EYS: variants seen among roughly 807,000 people sequenced by gnomAD.
EYS encodes EGF-like photoreceptor maintenance factor.
EYS carries 250 observed loss-of-function variants against 282.1 expected under a neutral mutation model. The observed-to-expected ratio is 0.89, with a 90% CI of 0.80 to 0.98. The LOEUF (loss-of-function observed/expected upper bound fraction) is 0.98, where lower values mean the gene tolerates loss of function less well. Ranked by LOEUF, EYS falls within the 50% of genes least tolerant of loss-of-function variation. EYS has a pLI of 0.00. For missense variants in EYS, 4,016 were observed against 3,709.0 expected (o/e 1.08, Z -2.15); for synonymous variants, 1,355 against 1,282.9 (o/e 1.06, Z -1.20).
chr6:65,570,080 G>T lies in EYS; in HGVS notation c.-333+69698C>A, dbSNP rs148405086. 1.0e-3 allele frequency among the ~76,000 whole-genome samples: 153 copies of T among 152,004 alleles called. 3 individuals are homozygous for T. The East Asian group carries it at 0.027, about 27-fold the overall frequency. On this transcript the variant is annotated intron_variant, in intron 2 of 42. Transcript: ENST00000503581. ...ACTCTTATTCCAACCTCAATGCCTG[G>T]CAGGTTTTCAGCTCTAGGTGTGTGG...
intron 35 of EYS, among the ~76,000 whole-genome samples, chr6:63,947,367 AC>A (rs1216371188): frequency 2.0e-5 from 3 of 152,192 alleles, no homozygotes; most frequent in Admixed American, 2.0e-4. Flanking sequence ...ATTAAAAAGT[AC>A]TAAGAAATAA....
rs146083642 is a variant in EYS at position 65,454,703 on chromosome 6, A to G, written c.862+35891T>C. 7.3e-3 allele frequency among the ~76,000 whole-genome samples: 1,113 copies of G among 152,162 alleles called. 17 individuals carry two copies. The highest frequency in any genetic ancestry group is 0.039 in the South Asian group (188 of 4,828). ...TGTATATGGTGAGAGTTTGGGGTCT[A>G]GTATCATTCTTCTTCATGTAAATAT... On this transcript the variant is annotated intron_variant, in intron 5 of 42. Transcript: ENST00000503581.
intron 1 of EYS, among the ~76,000 whole-genome samples, chr6:65,668,857 T>G (rs534766013): frequency 8.6e-5 from 13 of 152,014 alleles, no homozygotes; most frequent in Admixed American, 7.2e-4. Flanking sequence ...ATCAGTAGAT[T>G]ACGCTGCTTT....
At chr6:64,152,829 A>AT (rs1453889042) in intron 31 of EYS, among the ~76,000 whole-genome samples, 1 of 152,204 alleles carries the variant, frequency 6.6e-6, no homozygotes, top group Non-Finnish European at 1.5e-5. Context: ...AAGGCTATAT[A>AT]TGTAAGTAGA....
intron 28 of EYS, among the ~76,000 whole-genome samples, chr6:64,394,270 G>A (rs1277114043): frequency 6.6e-6 from 1 of 151,942 alleles, no homozygotes; most frequent in African/African-American, 2.4e-5. Context: ...TCACAGAATT[G>A]GAAAAAACTA....
rs1405239317 is a variant in EYS, at chr6:63,957,877, A to G, written c.7055+26506T>C. Among the ~76,000 whole-genome samples the G allele has an allele frequency of 2.8e-5, 4 of 140,972 alleles. 1 individual carries two copies. Among genetic ancestry groups the G allele is most frequent in the Non-Finnish European group, 4.8e-5 (3 of 62,016 alleles). 92.5% of individuals were successfully genotyped at this position (140,972 alleles called of 152,430 possible). ...GAAACAAGGTCAGTTGAAGGCCATC[A>G]TATTGACAACATACATTTTCTGTAA... is the stretch of plus-strand genomic sequence containing the variant. On this transcript the variant is annotated intron_variant, in intron 35 of 42. Transcript: ENST00000503581.
intron 14 of EYS, among the ~76,000 whole-genome samples, chr6:64,987,545 G>A (rs1418102278): frequency 1.3e-5 from 2 of 151,380 alleles, no homozygotes; most frequent in African/African-American, 4.8e-5. Context: ...TCCTTGTTTT[G>A]TGAGTCCTGT....
chr6:65,098,411 A>T lies in EYS; in HGVS notation c.2024-40684T>A, dbSNP rs377739241. On this transcript the variant is annotated intron_variant, in intron 12 of 42. Transcript: ENST00000503581. ...CTTAATATGAGAAAGAATGACTTAT[A>T]AAAGAAGATTTAAAGTACTTGTGTA... Among the ~76,000 whole-genome samples, 61 of 150,802 alleles carry T rather than the reference A, an allele frequency of 4.0e-4. 1 individual carries two copies. The highest frequency in any genetic ancestry group is 4.2e-4 in the South Asian group (2 of 4,816).
At chr6:63,862,586 TCTTTA>T in intron 36 of EYS, among the ~76,000 whole-genome samples, 1 of 152,206 alleles carries the variant, frequency 6.6e-6, no homozygotes, top group East Asian at 1.9e-4. Context: ...TTCTTCTAAA[TCTTTA>T]CTTCTTATTT....
In EYS at chr6:64,932,059, A is replaced by G. The variant is rs149929118; in HGVS notation, c.2381+13734T>C. Reference sequence around the variant, plus strand: ...AGCTGTTTCAGAACTGTGTAAATGAACTAAAGGCTTGAAACAATCTCCGTG... The same window carrying G: ...AGCTGTTTCAGAACTGTGTAAATGAGCTAAAGGCTTGAAACAATCTCCGTG... On this transcript the variant is annotated intron_variant, in intron 15 of 42. Transcript: ENST00000503581. Among the ~76,000 whole-genome samples, 190 of 152,258 alleles carry G rather than the reference A, an allele frequency of 1.2e-3. 1 individual carries two copies. Among genetic ancestry groups the G allele is most frequent in the African/African-American group, 4.5e-3 (187 of 41,570 alleles).
At chr6:64,789,103 C>G (rs1484592012) in intron 22 of EYS, among the ~76,000 whole-genome samples, 1 of 152,126 alleles carries the variant, frequency 6.6e-6, no homozygotes, top group Non-Finnish European at 1.5e-5. Flanking sequence ...GTCAAGCCAC[C>G]ATAGTATTTG....
intron 36 of EYS, among the ~76,000 whole-genome samples, chr6:63,848,509 A>G (rs993541795): frequency 1.3e-5 from 2 of 151,782 alleles, no homozygotes; most frequent in Non-Finnish European, 2.9e-5. Context: ...GGGACTGGTT[A>G]GACAGTGGGT....
chr6:65,698,522 TA>T (rs1220790859), intron 1 of EYS, among the ~76,000 whole-genome samples: 1 of 152,140 alleles, frequency 6.6e-6, no homozygotes, highest in East Asian at 1.9e-4. Context: ...TTTAGGATGC[TA>T]AAAAAATGAA....
At chr6:65,640,269 T>A (rs930254935) in intron 1 of EYS, among the ~76,000 whole-genome samples, 4 of 152,212 alleles carry the variant, frequency 2.6e-5, no homozygotes, top group African/African-American at 9.6e-5. Context: ...TAGGGAAATG[T>A]CAGCAGTAAT....
intron 2 of EYS, among the ~76,000 whole-genome samples, chr6:65,633,218 C>T (rs1447104094): frequency 6.6e-6 from 1 of 152,166 alleles, no homozygotes; most frequent in Non-Finnish European, 1.5e-5. Flanking sequence ...TAGTAATTCA[C>T]ATCTGAGTTC....
chr6:64,082,032 T>C, intron 31 of EYS, 30 bp from the exon 32 acceptor site: 1 of 1,431,138 alleles, frequency 7.0e-7, no homozygotes, highest in South Asian at 1.3e-5. Flanking sequence ...TAATATGTTC[T>C]GATAGCATTA....
At chr6:65,266,116 G>T (rs958304991) in intron 12 of EYS, among the ~76,000 whole-genome samples, 2 of 151,856 alleles carry the variant, frequency 1.3e-5, no homozygotes, top group East Asian at 1.9e-4. Flanking sequence ...AATATAGAGA[G>T]AATTTTTATA....
intron 30 of EYS, among the ~76,000 whole-genome samples, chr6:64,275,604 G>T (rs1317197956): frequency 6.6e-6 from 1 of 151,560 alleles, no homozygotes; most frequent in Admixed American, 6.6e-5. Flanking sequence ...TTTCAGTAGA[G>T]ACATGGTTTC....
At chr6:65,401,843 AC>A (rs765133358) in intron 7 of EYS, among the ~76,000 whole-genome samples, 58 of 152,084 alleles carry the variant, frequency 3.8e-4, no homozygotes, top group Non-Finnish European at 6.8e-4. Context: ...AACAGAATTT[AC>A]TTGAAGCAGT....
Sources: gnomAD v4.1 joint callset for allele counts (sites outside exome capture counted in the v4.1 genomes callset) on GRCh38, gnomAD v4.1.1 for gene constraint, MANE v1.5 for transcripts, NCBI Gene and HGNC (gene_info 2026-07-23, HGNC 2026-07-21) for gene names.